Variants in RABEP1 observed in about 807,000 individuals in gnomAD.
RABEP1 encodes the protein rab GTPase-binding effector protein 1.
A neutral mutation model predicts 123.4 loss-of-function variants in RABEP1; 51 were observed. That is an observed-to-expected ratio of 0.41 (90% CI 0.33 to 0.52). RABEP1 has a LOEUF of 0.52. RABEP1 is among the 20% of genes least tolerant of loss of function. The probability of loss-of-function intolerance (pLI) is 0.16; values close to 1 mark genes in which losing one functional copy is unlikely to be tolerated. For missense variants in RABEP1, 888 were observed against 996.3 expected, an observed-to-expected ratio of 0.89 and a Z score of 1.46; for synonymous variants, 347 against 355.2, an observed-to-expected ratio of 0.98 and a Z score of 0.26.
chr17:5,373,423 C>G lies in RABEP1; in HGVS notation c.1994C>G (p.Ala665Gly). 6.2e-7 allele frequency: 1 copy of G among 1,612,452 alleles called. No individual in the cohort carries two copies. The highest frequency in any genetic ancestry group is 8.5e-7 in the Non-Finnish European group (1 of 1,179,588). The change falls in exon 13 of 18, where the codon GCA (alanine) becomes GGA (glycine). Residue 665 changes from alanine (A) to glycine (G), a missense_variant. By Grantham distance (60) the Ala-to-Gly change is moderately conservative (BLOSUM62 0). Transcript: ENST00000537505. ...AGCCTGCATGTGTCATTACAGCAAG[C>G]AGAAGACTTCATCCTCCCAGACACT... is the stretch of plus-strand genomic sequence containing the variant. ...KHSLHVSLQQ[A>G]EDFILPDTTE...
At chr17:5,323,911 A>G (rs899682518) in intron 2 of RABEP1, among the ~76,000 whole-genome samples, 2 of 146,084 alleles carry the variant, frequency 1.4e-5, no homozygotes, top group African/African-American at 5.0e-5. Context: ...AAAGATCTGT[A>G]AAACACCAAT....
Position 5,386,139 on chromosome 17 carries a change from T to C in RABEP1, c.*2916T>C. ...TTTTTATAAATTAGATAATTCTACC[T>C]GTTTTACAATATGGGTTTAAGCCTT... On this transcript the variant is annotated 3_prime_UTR_variant, in exon 18 of 18. Transcript: ENST00000537505. The C allele has an allele frequency of 1.7e-6, 2 of 1,164,104 alleles. No individual in the cohort carries two copies. Among genetic ancestry groups the C allele is most frequent in the Non-Finnish European group, 2.5e-6 (2 of 806,464 alleles). 72.1% of individuals were successfully genotyped at this position (1,164,104 alleles called of 1,614,324 possible).
intron 1 of RABEP1, among the ~76,000 whole-genome samples, chr17:5,291,718 C>T (rs1299294593): frequency 2.0e-5 from 3 of 152,032 alleles, no homozygotes; most frequent in Non-Finnish European, 4.4e-5. Context: ...GCCAGCCTGG[C>T]CAACATGGCG....
At chr17:5,286,696 G>A (rs979978031) in intron 1 of RABEP1, among the ~76,000 whole-genome samples, 1 of 152,154 alleles carries the variant, frequency 6.6e-6, no homozygotes, top group Non-Finnish European at 1.5e-5. Context: ...AATGCATACT[G>A]TTTGTCAGGC....
chr17:5,341,264 G>A (rs1459487249), intron 5 of RABEP1, among the ~76,000 whole-genome samples: 1 of 152,076 alleles, frequency 6.6e-6, no homozygotes, highest in African/African-American at 2.4e-5. Context: ...CTGGGCAAGG[G>A]AGCCTGTCTT....
intron 13 of RABEP1, among the ~76,000 whole-genome samples, chr17:5,375,095 G>C (rs1910880062): frequency 1.4e-5 from 2 of 139,870 alleles, no homozygotes; most frequent in African/African-American, 5.3e-5. Flanking sequence ...CTTTATACCT[G>C]TTTCTTTTTT....
At chr17:5,306,850 A>G (rs564893388) in intron 1 of RABEP1, among the ~76,000 whole-genome samples, 9 of 152,316 alleles carry the variant, frequency 5.9e-5, no homozygotes, top group Non-Finnish European at 1.0e-4. Flanking sequence ...AATGTTGTAT[A>G]TCTCATGTAA....
intron 3 of RABEP1, among the ~76,000 whole-genome samples, chr17:5,333,519 A>G (rs1055221179): frequency 6.6e-6 from 1 of 152,118 alleles, no homozygotes; most frequent in South Asian, 2.1e-4. Context: ...CGTGTTTGCA[A>G]TTGTGTATCA....
Position 5,368,449 on chromosome 17 carries a change from G to A in RABEP1, c.1865G>A (p.Arg622Lys), listed in dbSNP as rs1406039825. The change falls in exon 12 of 18, where the codon AGG (arginine) becomes AAG (lysine). Residue 622 changes from arginine (R) to lysine (K), a missense_variant. Arg to Lys is a conservative substitution (Grantham distance 26). Transcript: ENST00000537505. ...CAGCAGGGGCTTTCCCAGGCAAAGA[G>A]GGATGTTCAGGAACAGATGGTAAGT... ...ELQQGLSQAK[R>K]DVQEQMAVLM... 14 of 1,612,538 alleles carry A rather than the reference G, an allele frequency of 8.7e-6. No individual in the cohort carries two copies. Among genetic ancestry groups the A allele is most frequent in the African/African-American group, 1.3e-5 (1 of 74,712 alleles).
At chr17:5,321,358 G>T (rs933355571) in intron 2 of RABEP1, among the ~76,000 whole-genome samples, 1 of 152,210 alleles carries the variant, frequency 6.6e-6, no homozygotes, top group South Asian at 2.1e-4. Flanking sequence ...TGAGAGGATC[G>T]TTTAAGCCCA....
chr17:5,292,231 G>C (rs1217569492), intron 1 of RABEP1, among the ~76,000 whole-genome samples: 4 of 152,074 alleles, frequency 2.6e-5, no homozygotes, highest in Admixed American at 2.6e-4. Flanking sequence ...GCCTAAAAAT[G>C]GTATCTGACT....
At position 5,374,987 on chromosome 17, in the gene RABEP1, G is replaced by A. The variant is rs184575081; in HGVS notation, c.2025+1533G>A. Among the ~76,000 whole-genome samples, 38 of 152,114 alleles carry A rather than the reference G, an allele frequency of 2.5e-4. 1 individual carries two copies. The East Asian group carries it at 6.8e-3, about 27-fold the overall frequency. On this transcript the variant is annotated intron_variant, in intron 13 of 17. Transcript: ENST00000537505. ...AGATGCGGTTTCGCCATGTTGGCCA[G>A]GCTGGTCTCGAACTCCTGATCTCAG...
intron 13 of RABEP1, among the ~76,000 whole-genome samples, chr17:5,376,297 C>T (rs973436972): frequency 6.6e-6 from 1 of 151,990 alleles, no homozygotes; most frequent in Non-Finnish European, 1.5e-5. Flanking sequence ...CTCCATACTC[C>T]AGTCTGGGTG....
chr17:5,316,422 C>T (rs1407007474), intron 2 of RABEP1, among the ~76,000 whole-genome samples: 9 of 111,206 alleles, frequency 8.1e-5, no homozygotes, highest in African/African-American at 1.7e-4. Flanking sequence ...TGCATTCCAC[C>T]GTGGGCGACA....
chr17:5,306,552 C>A (rs539443594), intron 1 of RABEP1, among the ~76,000 whole-genome samples: 2 of 151,348 alleles, frequency 1.3e-5, no homozygotes, highest in African/African-American at 2.4e-5. Flanking sequence ...TGCTTGAGTC[C>A]GGGAGGCGGA....
intron 8 of RABEP1, among the ~76,000 whole-genome samples, chr17:5,355,409 A>G (rs1374260118): frequency 6.6e-6 from 1 of 152,142 alleles, no homozygotes; most frequent in Admixed American, 6.5e-5. Flanking sequence ...TATTGCCTTT[A>G]GAATAAAAAC....
At chr17:5,292,976 C>G (rs942264991) in intron 1 of RABEP1, among the ~76,000 whole-genome samples, 1 of 152,124 alleles carries the variant, frequency 6.6e-6, no homozygotes, top group African/African-American at 2.4e-5. Flanking sequence ...GCTGCTGTGC[C>G]TTGTTCATTT....
rs781378419 is a variant in RABEP1, at chr17:5,331,968, T to C, written c.183T>C (p.Asn61=). ...CTCCAGAGGATCTGAAGAGGCAAAA[T>C]GCAGTATTACAAGCTGCACAAGATG... ...LAKEEDLKRQ[N]AVLQAAQDDL... is the part of the protein sequence containing the mutation. Residue 61 remains asparagine (N), a synonymous_variant, in exon 3 of 18, where the codon AAT becomes AAC. Transcript: ENST00000537505. 1.9e-6 allele frequency: 3 copies of C among 1,613,984 alleles called. No homozygotes were observed. The highest frequency in any genetic ancestry group is 1.1e-5 in the South Asian group (1 of 91,072).
chr17:5,380,504 A>G (rs1911364394), intron 16 of RABEP1, 42 bp downstream of exon 16: 12 of 1,399,664 alleles, frequency 8.6e-6, no homozygotes, highest in Non-Finnish European at 1.2e-5. Flanking sequence ...AAGCAGGGCT[A>G]AGAATGCAGG....
Sources: allele counts gnomAD v4.1 joint callset (sites outside exome capture counted in the v4.1 genomes callset), GRCh38; gene constraint gnomAD v4.1.1; transcripts MANE v1.5; gene names NCBI Gene and HGNC (gene_info 2026-07-23, HGNC 2026-07-21).